Variants in NRG3 observed in about 807,000 individuals in gnomAD.
NRG3 encodes the protein pro-neuregulin-3, membrane-bound isoform.
In NRG3, 31 loss-of-function variants were observed where a neutral mutation model predicts 66.9. The observed-to-expected ratio is 0.46, with a 90% CI of 0.35 to 0.63. The LOEUF is 0.63. NRG3 is among the 20% of genes least tolerant of loss of function. The pLI is 0.00. For missense variants in NRG3, 910 were observed against 878.9 expected (o/e 1.04, Z -0.45); for synonymous variants, 393 against 359.4 (o/e 1.09, Z -1.06).
At chr10:82,094,823 G>A (rs2066234575) in intron 1 of NRG3, among the ~76,000 whole-genome samples, 1 of 152,162 alleles carries the variant, frequency 6.6e-6, no homozygotes, top group East Asian at 1.9e-4. Flanking sequence ...TCACATATAA[G>A]TGGACCTAAA....
chr10:82,973,181 G>T (rs1274232612), intron 6 of NRG3, among the ~76,000 whole-genome samples: 1 of 152,116 alleles, frequency 6.6e-6, no homozygotes, highest in Non-Finnish European at 1.5e-5. Flanking sequence ...ATCTACATAA[G>T]CCTTCTTTAG....
intron 1 of NRG3, among the ~76,000 whole-genome samples, chr10:81,975,451 T>A (rs1311088137): frequency 5.9e-5 from 9 of 152,026 alleles, no homozygotes; most frequent in Admixed American, 4.6e-4. Flanking sequence ...TTTCCCAGAA[T>A]TATATCCTAA....
chr10:82,611,735 G>A (rs777371229), intron 2 of NRG3, among the ~76,000 whole-genome samples: 74 of 152,264 alleles, frequency 4.9e-4, no homozygotes, highest in Non-Finnish European at 7.8e-4. Context: ...ACATACATGT[G>A]CATGTGTCTT....
intron 2 of NRG3, among the ~76,000 whole-genome samples, chr10:82,408,046 C>CGAGAGAGAGAGAGAGA (rs536927208): frequency 5.5e-5 from 3 of 54,368 alleles, no homozygotes; most frequent in African/African-American, 1.7e-4. Flanking sequence ...AAGACTACAT[C>CGAGAGAGAGAGAGAGA]GAGAGAGAGA....
At chr10:82,918,046 A>G (rs1846052760) in intron 4 of NRG3, among the ~76,000 whole-genome samples, 1 of 149,914 alleles carries the variant, frequency 6.7e-6, no homozygotes, top group Admixed American at 6.7e-5. Context: ...ACATGTATGT[A>G]TATTTTTTCC....
intron 1 of NRG3, among the ~76,000 whole-genome samples, chr10:82,022,999 A>G (rs1269074406): frequency 1.3e-5 from 2 of 151,454 alleles, no homozygotes; most frequent in Non-Finnish European, 2.9e-5. Context: ...AAATTAGGGT[A>G]ATTAGGATAT....
At chr10:82,308,114 A>G (rs187732618) in intron 1 of NRG3, among the ~76,000 whole-genome samples, 45 of 152,250 alleles carry the variant, frequency 3.0e-4, no homozygotes, top group Admixed American at 1.8e-3. Flanking sequence ...AACAAGAAGT[A>G]TAGTTTTTGA....
chr10:82,017,444 G>A (rs947837939), intron 1 of NRG3, among the ~76,000 whole-genome samples: 7 of 152,088 alleles, frequency 4.6e-5, no homozygotes, highest in Non-Finnish European at 4.4e-5. Context: ...AGTCCTTTGG[G>A]TATATACCCA....
chr10:82,175,525 T>A (rs1475768010), intron 1 of NRG3, among the ~76,000 whole-genome samples: 1 of 152,172 alleles, frequency 6.6e-6, no homozygotes, highest in Non-Finnish European at 1.5e-5. Context: ...ATCCAAATGC[T>A]TCATTTACTG....
chr10:82,875,637 C>T (rs191073430), intron 4 of NRG3, among the ~76,000 whole-genome samples: 6 of 152,264 alleles, frequency 3.9e-5, no homozygotes, highest in Admixed American at 2.0e-4. Context: ...GGATTACAGG[C>T]GTGAGCCAAC....
At chr10:82,735,372 C>A (rs1048950314) in intron 2 of NRG3, among the ~76,000 whole-genome samples, 2 of 152,178 alleles carry the variant, frequency 1.3e-5, no homozygotes, top group African/African-American at 2.4e-5. Context: ...ATACAAAGAA[C>A]AGTGACTGGA....
intron 1 of NRG3, among the ~76,000 whole-genome samples, chr10:82,305,197 G>A (rs1283248538): frequency 2.6e-5 from 4 of 151,722 alleles, no homozygotes; most frequent in Non-Finnish European, 4.4e-5. Flanking sequence ...GGGTTTCACC[G>A]TGCTAGCCAG....
At chr10:82,330,035 C>A (rs1000838867) in intron 1 of NRG3, among the ~76,000 whole-genome samples, 1 of 152,170 alleles carries the variant, frequency 6.6e-6, no homozygotes, top group Admixed American at 6.5e-5. Context: ...CATTTCATTA[C>A]AGCAAAGAAA....
intron 2 of NRG3, among the ~76,000 whole-genome samples, chr10:82,641,381 T>G (rs902436098): frequency 6.6e-6 from 1 of 152,180 alleles, no homozygotes; most frequent in Admixed American, 6.6e-5. Context: ...ATTCCATTTC[T>G]AGTTAAAATA....
intron 1 of NRG3, among the ~76,000 whole-genome samples, chr10:82,120,562 TAAGTC>T (rs1454284255): frequency 6.6e-6 from 1 of 152,124 alleles, no homozygotes; most frequent in Non-Finnish European, 1.5e-5. Flanking sequence ...GGGAATCACA[TAAGTC>T]AAGTTAGATA....
intron 4 of NRG3, among the ~76,000 whole-genome samples, chr10:82,867,126 G>A (rs116100901): frequency 3.3e-3 from 507 of 152,262 alleles, no homozygotes; most frequent in African/African-American, 0.012. Flanking sequence ...CTCAAAGACG[G>A]TAGCAATTTA....
chr10:82,653,517 A>G (rs2051595425), intron 2 of NRG3, among the ~76,000 whole-genome samples: 1 of 152,178 alleles, frequency 6.6e-6, no homozygotes, highest in Admixed American at 6.5e-5. Context: ...AAAATGAAAG[A>G]ACTTGATTCT....
intron 2 of NRG3, among the ~76,000 whole-genome samples, chr10:82,438,559 T>C (rs1362145732): frequency 2.0e-5 from 3 of 152,200 alleles, no homozygotes; most frequent in Non-Finnish European, 4.4e-5. Context: ...CAGTTGGTGC[T>C]GGTCACCCCT....
At chr10:82,685,790 T>G (rs1224367848) in intron 2 of NRG3, among the ~76,000 whole-genome samples, 2 of 152,196 alleles carry the variant, frequency 1.3e-5, no homozygotes, top group African/African-American at 4.8e-5. Context: ...GCTTATAATT[T>G]TTGTTTTATT....
Sources: gnomAD v4.1 joint callset for allele counts (sites outside exome capture counted in the v4.1 genomes callset) on GRCh38, gnomAD v4.1.1 for gene constraint, MANE v1.5 for transcripts, NCBI Gene and HGNC (gene_info 2026-07-23, HGNC 2026-07-21) for gene names.